The following COL22A1 variants were observed in gnomAD, a reference collection of about 807,000 sequenced individuals.
COL22A1 encodes collagen type XXII alpha 1 chain.
A neutral mutation model predicts 248.9 loss-of-function variants in COL22A1; 221 were observed. The ratio of observed to expected loss-of-function variants is 0.89; its 90% confidence interval spans 0.80 to 0.99. COL22A1 has a LOEUF of 0.99. COL22A1 is among the 50% of genes least tolerant of loss of function. COL22A1 has a pLI of 0.00. For missense variants in COL22A1, 2,240 were observed against 2,179.0 expected, an observed-to-expected ratio of 1.03 and a Z score of -0.56; for synonymous variants, 891 against 793.4, an observed-to-expected ratio of 1.12 and a Z score of -2.07.
intron 16 of COL22A1, among the ~76,000 whole-genome samples, chr8:138,766,086 C>T (rs4736038): frequency 0.33 from 50,385 of 151,908 alleles, 9,189 homozygotes; most frequent in African/African-American, 0.5. Flanking sequence ...CCGAGTGTGA[C>T]ATTTGGCATA....
intron 41 of COL22A1, among the ~76,000 whole-genome samples, chr8:138,667,408 C>T (rs1388221263): frequency 6.6e-6 from 1 of 152,134 alleles, no homozygotes; most frequent in African/African-American, 2.4e-5. Flanking sequence ...TCAGAATCGA[C>T]TTAAATAGAC....
intron 10 of COL22A1, among the ~76,000 whole-genome samples, chr8:138,805,178 TG>T (rs1817398276): frequency 8.1e-6 from 1 of 122,942 alleles, no homozygotes; most frequent in African/African-American, 3.8e-5. Flanking sequence ...TGTGTGTGTG[TG>T]GTGTGTGTGT....
chr8:138,686,900 C>G (rs985309804), intron 37 of COL22A1, among the ~76,000 whole-genome samples: 14 of 152,092 alleles, frequency 9.2e-5, no homozygotes, highest in Non-Finnish European at 2.1e-4. Flanking sequence ...GCATTATCTT[C>G]TTTTCAAAAA....
At chr8:138,676,513 T>C (rs2130804508) in intron 41 of COL22A1, 45 bp downstream of exon 41, 1 of 1,242,078 alleles carries the variant, frequency 8.1e-7, no homozygotes, top group Admixed American at 2.1e-5. Flanking sequence ...AGGAAATGGC[T>C]GTATGTCCTG....
At chr8:138,597,611 G>A (rs1817647966) in intron 61 of COL22A1, among the ~76,000 whole-genome samples, 1 of 152,192 alleles carries the variant, frequency 6.6e-6, no homozygotes. Flanking sequence ...TCCTCAGGCT[G>A]TACAGAGCTG....
At chr8:138,652,141 G>T (rs1412945854) in intron 45 of COL22A1, among the ~76,000 whole-genome samples, 2 of 152,138 alleles carry the variant, frequency 1.3e-5, no homozygotes, top group Non-Finnish European at 2.9e-5. Flanking sequence ...GTCCCTCCTG[G>T]CCCTGCACCA....
At chr8:138,636,628 A>T in intron 48 of COL22A1, 114 bp downstream of exon 48, 1 of 796,602 alleles carries the variant, frequency 1.3e-6, no homozygotes, top group Non-Finnish European at 2.1e-6. Flanking sequence ...GATTTTAAAA[A>T]ATCCTGCTAC....
intron 5 of COL22A1, among the ~76,000 whole-genome samples, chr8:138,828,422 C>A (rs1819767800): frequency 6.6e-6 from 1 of 152,008 alleles, no homozygotes; most frequent in Admixed American, 6.6e-5. Flanking sequence ...GGTGAAATTT[C>A]TCTTAGTTGA....
At chr8:138,872,882 G>C (rs1451681470) in intron 3 of COL22A1, among the ~76,000 whole-genome samples, 2 of 152,182 alleles carry the variant, frequency 1.3e-5, no homozygotes, top group East Asian at 3.8e-4. Context: ...CGTTACTGCT[G>C]TTACTGTTGT....
intron 3 of COL22A1, among the ~76,000 whole-genome samples, chr8:138,875,863 C>T (rs902886161): frequency 1.3e-5 from 2 of 152,220 alleles, no homozygotes; most frequent in East Asian, 3.9e-4. Flanking sequence ...GGGAAGTCCA[C>T]AGCCAATGCC....
intron 3 of COL22A1, among the ~76,000 whole-genome samples, chr8:138,850,597 C>T (rs930772700): frequency 6.6e-6 from 1 of 152,188 alleles, no homozygotes; most frequent in Non-Finnish European, 1.5e-5. Flanking sequence ...GAAACAGTAA[C>T]AAGGTAAGGG....
At chr8:138,821,690 G>A (rs1050893391) in intron 6 of COL22A1, among the ~76,000 whole-genome samples, 1 of 152,146 alleles carries the variant, frequency 6.6e-6, no homozygotes, top group Non-Finnish European at 1.5e-5. Flanking sequence ...TTAACTCAGG[G>A]GTCACAGCCT....
intron 51 of COL22A1, among the ~76,000 whole-genome samples, chr8:138,624,720 C>T (rs1820100869): frequency 6.6e-6 from 1 of 152,200 alleles, no homozygotes; most frequent in South Asian, 2.1e-4. Flanking sequence ...CAGCATGTCA[C>T]TTCAGATCTG....
intron 35 of COL22A1, 74 bp from the exon 36 acceptor site, chr8:138,690,948 C>A: frequency 1.7e-6 from 2 of 1,209,086 alleles, no homozygotes; most frequent in South Asian, 3.0e-5. Flanking sequence ...CTCTGCAAAT[C>A]TGCCTCATAC....
At chr8:138,780,408 G>A (rs1480578073) in intron 13 of COL22A1, among the ~76,000 whole-genome samples, 1 of 152,210 alleles carries the variant, frequency 6.6e-6, no homozygotes, top group Admixed American at 6.5e-5. Context: ...GTACTTGGAT[G>A]CTTGGTGGAG....
intron 12 of COL22A1, among the ~76,000 whole-genome samples, chr8:138,786,853 G>A (rs974991198): frequency 2.0e-5 from 3 of 152,070 alleles, no homozygotes; most frequent in Admixed American, 2.0e-4. Flanking sequence ...GCAGTGAGCC[G>A]AGATCATGCC....
intron 7 of COL22A1, among the ~76,000 whole-genome samples, chr8:138,815,327 C>T (rs542256964): frequency 3.2e-4 from 49 of 152,304 alleles, no homozygotes; most frequent in African/African-American, 8.9e-4. Flanking sequence ...CCAGGACTTC[C>T]GAGAGCAAGG....
chr8:138,766,755 T>G (rs1267290242), intron 16 of COL22A1, among the ~76,000 whole-genome samples: 1 of 152,110 alleles, frequency 6.6e-6, no homozygotes, highest in East Asian at 1.9e-4. Flanking sequence ...GAGTGCGGTC[T>G]CAAGCTGAAA....
At chr8:138,866,866 T>C (rs1369807858) in intron 3 of COL22A1, among the ~76,000 whole-genome samples, 4 of 152,156 alleles carry the variant, frequency 2.6e-5, no homozygotes, top group Non-Finnish European at 4.4e-5. Context: ...AGTGGGCCGC[T>C]GGTCATGCAT....
Sources: gnomAD v4.1 joint callset for allele counts (sites outside exome capture counted in the v4.1 genomes callset) on GRCh38, gnomAD v4.1.1 for gene constraint, MANE v1.5 for transcripts, NCBI Gene and HGNC (gene_info 2026-07-23, HGNC 2026-07-21) for gene names.